KCNH2: variants seen among roughly 807,000 people sequenced by gnomAD.
The protein encoded by KCNH2 is voltage-gated inwardly rectifying potassium channel KCNH2.
KCNH2 carries 35 observed loss-of-function variants against 95.9 expected under a neutral mutation model. The observed-to-expected ratio is 0.37, with a 90% CI of 0.28 to 0.48. The LOEUF (loss-of-function observed/expected upper bound fraction) is 0.48. Among genes scored for constraint, KCNH2 ranks in the 20% least tolerant of loss-of-function variants. The pLI, the probability that KCNH2 is intolerant of heterozygous loss-of-function variation, is 0.99. For missense variants in KCNH2, 1,274 were observed against 1,702.9 expected (o/e 0.75, Z 4.43); for synonymous variants, 786 against 754.7 (o/e 1.04, Z -0.68).
chr7:150,974,590 G>A, intron 2 of KCNH2, 121 bp downstream of exon 2: 1 of 849,780 alleles, frequency 1.2e-6, no homozygotes, highest in Admixed American at 2.3e-5. Flanking sequence ...ACCCTGCCCG[G>A]GCTCGGGGCG....
chr7:150,971,521 AGCCAG>A (rs1374521795), intron 2 of KCNH2, among the ~76,000 whole-genome samples: 2 of 152,052 alleles, frequency 1.3e-5, no homozygotes, highest in African/African-American at 4.8e-5. Flanking sequence ...AGGGACATGG[AGCCAG>A]GCCAGGCCAG....
chr7:150,945,433 G>T lies in KCNH2; in HGVS notation c.3412C>A (p.Leu1138Ile). 6.4e-7 allele frequency: 1 copy of T among 1,572,852 alleles called. No individual in the cohort carries two copies. The highest frequency in any genetic ancestry group is 1.3e-5 in the African/African-American group (1 of 74,134). ...PQEGPTRRLS[L>I]PGQLGALTSQ... ...GTGAGGGCCCCCAGCTGGCCCGGTAGGGAGAGGCGTCGTGTGGGGCCTTCT... is the reference window on the plus strand; with the variant it reads ...GTGAGGGCCCCCAGCTGGCCCGGTATGGAGAGGCGTCGTGTGGGGCCTTCT... The change falls in exon 15 of 15, where the codon CTA (leucine) becomes ATA (isoleucine). Residue 1138 changes from leucine to isoleucine, a missense_variant. Transcript: ENST00000262186. This position sits in a 1 kb window ranked among gnomAD's most constrained non-coding sequence, Gnocchi z 5.6.
chr7:150,966,386 C>G lies in KCNH2; in HGVS notation c.308-6650G>C, dbSNP rs372582297. ...TTCCTCATTGATTTGCCCCCTCCCCCCCCCCCACACACACACACACACAGG... is the reference window on the plus strand; with the variant it reads ...TTCCTCATTGATTTGCCCCCTCCCCGCCCCCCACACACACACACACACAGG... On this transcript the variant is annotated intron_variant, in intron 2 of 14. Transcript: ENST00000262186. 4.1e-4 allele frequency among the ~76,000 whole-genome samples: 19 copies of G among 46,400 alleles called. 1 individual carries two copies. Among genetic ancestry groups the G allele is most frequent in the East Asian group, 2.3e-3 (1 of 442 alleles). The allele number at this position is 46,400 out of a possible 152,430, so 30.4% of individuals were successfully genotyped here.
Position 150,946,891 on chromosome 7 carries a change from C to A in KCNH2, c.3316G>T (p.Asp1106Tyr). 1 of 1,597,992 alleles carries A rather than the reference C, an allele frequency of 6.3e-7. No individual in the cohort carries two copies. The highest frequency in any genetic ancestry group is 8.6e-7 in the Non-Finnish European group (1 of 1,169,450). ...CTGGAGCTTACCTGAGAAAGCGAGTCCAAGGTGAGGGTGGGGAGGGGGCTG... is the reference window on the plus strand; with the variant it reads ...CTGGAGCTTACCTGAGAAAGCGAGTACAAGGTGAGGGTGGGGAGGGGGCTG... Reference protein sequence around the residue: ...PVSPLPTLTLDSLSQVSQFMA... With the variant: ...PVSPLPTLTLYSLSQVSQFMA... Residue 1106 changes from aspartate to tyrosine, a missense_variant, in exon 14 of 15, where the codon GAC becomes TAC. Around this residue, in one of 7 missense-constraint regions of KCNH2, gnomAD observed 457 missense variants for 416.1 expected, o/e 1.10. Coordinates refer to ENST00000262186, the MANE Select transcript of KCNH2 (RefSeq NM_000238.4). The surrounding 1 kb of genome is among the most constrained non-coding windows in gnomAD (Gnocchi z 6.5).
intron 2 of KCNH2, among the ~76,000 whole-genome samples, chr7:150,972,624 ACAGAGTTTTCTGGGTCACAGCCC>A (rs531467318): frequency 6.6e-6 from 1 of 152,350 alleles, no homozygotes; most frequent in East Asian, 1.9e-4. Context: ...GATTGCTGGC[ACAGAGTTTTCTGGGTCACAGCCC>A]CATTTTTTGG....
intron 2 of KCNH2, among the ~76,000 whole-genome samples, chr7:150,960,154 G>A (rs543583646): frequency 1.2e-4 from 15 of 123,008 alleles, no homozygotes; most frequent in African/African-American, 4.7e-4. Flanking sequence ...ACAGACTTTA[G>A]GCCTACGATC....
In KCNH2 at chr7:150,945,628, AGAG is replaced by A; in HGVS notation, c.3331-117_3331-115del. On this transcript the variant is annotated intron_variant, in intron 14 of 14. Transcript: ENST00000262186. This position sits in a 1 kb window ranked among gnomAD's most constrained non-coding sequence, Gnocchi z 5.6. ...GATGGACGGGAGGACAGGAGGGCCA[AGAG>A]GAGAGTCAGGTGGGCAGAGAAGCTG... The A allele has an allele frequency of 8.8e-7, 1 of 1,135,114 alleles. No homozygotes were observed. Among genetic ancestry groups the A allele is most frequent in the South Asian group, 1.3e-5 (1 of 75,242 alleles). The allele number at this position is 1,135,114 out of a possible 1,614,324, so 70.3% of individuals were successfully genotyped here. A position where few individuals can be genotyped will look rare whatever the true frequency, so the allele number is the denominator to read the frequency against.
intron 2 of KCNH2, among the ~76,000 whole-genome samples, chr7:150,965,908 G>C (rs1234145673): frequency 6.6e-6 from 1 of 152,180 alleles, no homozygotes; most frequent in African/African-American, 2.4e-5. Context: ...CCCTTTCACA[G>C]CAGAATTTGC....
chr7:150,946,121 C>T lies in KCNH2; in HGVS notation c.3331-607G>A, dbSNP rs998223393. On this transcript the variant is annotated intron_variant, in intron 14 of 14. Transcript: ENST00000262186. The surrounding 1 kb of genome is among the most constrained non-coding windows in gnomAD (Gnocchi z 6.5). ...GCAGGCAGCATATGGGAGGGGGGAG[C>T]GGATGCCAAGGGAAGTGGGGAGGGA... Among the ~76,000 whole-genome samples the T allele has an allele frequency of 1.3e-5, 2 of 152,004 alleles. No individual in the cohort carries two copies. Among genetic ancestry groups the T allele is most frequent in the African/African-American group, 4.8e-5 (2 of 41,368 alleles).
chr7:150,953,005 C>A, intron 5 of KCNH2, 152 bp from the exon 6 acceptor site: 1 of 728,552 alleles, frequency 1.4e-6, no homozygotes, highest in Non-Finnish European at 2.3e-6. Flanking sequence ...GCGACCACAG[C>A]AAATGGCCAC....
chr7:150,971,974 G>A (rs1755776363), intron 2 of KCNH2, among the ~76,000 whole-genome samples: 1 of 152,064 alleles, frequency 6.6e-6, no homozygotes. Context: ...GCCTTGCGGG[G>A]ATGTTACCGC....
At chr7:150,965,522 C>T (rs1342133669) in intron 2 of KCNH2, among the ~76,000 whole-genome samples, 2 of 152,160 alleles carry the variant, frequency 1.3e-5, no homozygotes, top group Non-Finnish European at 2.9e-5. Flanking sequence ...CCTGCACAGG[C>T]GCGTGAGTCC....
At position 150,948,484 on chromosome 7, in the gene KCNH2, T is replaced by C. The variant is rs1312626220; in HGVS notation, c.2652A>G (p.Gln884=). 6.9e-7 allele frequency: 1 copy of C among 1,454,332 alleles called. No homozygotes were observed. Among genetic ancestry groups the C allele is most frequent in the Non-Finnish European group, 9.2e-7 (1 of 1,082,690 alleles). 90.1% of individuals were successfully genotyped at this position (1,454,332 alleles called of 1,614,324 possible). A position where few individuals can be genotyped will look rare whatever the true frequency, so the allele number is the denominator to read the frequency against. ...STELEGGFSR[Q]RKRKLSFRRR... ...TGCGGAAGGACAACTTGCGCTTGCG[T>C]TGCCGACTGAAGCCACCCTCTAACT... Residue 884 remains glutamine (Q), a synonymous_variant, in exon 11 of 15, where the codon CAA becomes CAG. Coordinates refer to ENST00000262186, the MANE Select transcript of KCNH2 (RefSeq NM_000238.4).
In KCNH2 at chr7:150,951,062, C is replaced by T. The variant is rs1377228536; in HGVS notation, c.2004G>A (p.Ser668=). ...TCTGTGTGTGGTAGCGGGCTGTGCC[C>T]GAGTACAGCCGCTGGATGATGGCCG... ...NVSAIIQRLY[S]GTARYHTQML... The change falls in exon 8 of 15, where the codon TCG becomes TCA. Residue 668 remains serine, a synonymous_variant. Transcript: ENST00000262186. 5 of 1,613,872 alleles carry T rather than the reference C, an allele frequency of 3.1e-6. No individual in the cohort carries two copies. Among genetic ancestry groups the T allele is most frequent in the Non-Finnish European group, 4.2e-6 (5 of 1,179,892 alleles).
chr7:150,959,286 T>C (rs1164389894), intron 3 of KCNH2, among the ~76,000 whole-genome samples: 1 of 152,156 alleles, frequency 6.6e-6, no homozygotes, highest in African/African-American at 2.4e-5. Flanking sequence ...TCCCAGGGGA[T>C]GCTGGGATGG....
At chr7:150,958,585 G>A (rs1205101633) in intron 3 of KCNH2, 83 bp from the exon 4 acceptor site, 10 of 1,197,088 alleles carry the variant, frequency 8.4e-6, no homozygotes, top group African/African-American at 3.2e-5. Context: ...ACCCCCAGCC[G>A]CTGGGTAAGG....
chr7:150,960,390 T>C (rs1229451516), intron 2 of KCNH2, among the ~76,000 whole-genome samples: 4 of 152,250 alleles, frequency 2.6e-5, no homozygotes, highest in Admixed American at 6.5e-5. Context: ...TCATGAGTTA[T>C]AAAGATTAAC....
chr7:150,948,471 ACTTGCG>A lies in KCNH2; in HGVS notation c.2659_2664del (p.Arg887_Lys888del). ...TTGTCCGTGCGCCTGCGGAAGGACA[ACTTGCG>A]CTTGCGTTGCCGACTGAAGCCACCC... On this transcript the variant is annotated inframe_deletion, in exon 11 of 15. Coordinates refer to ENST00000262186, the MANE Select transcript of KCNH2 (RefSeq NM_000238.4). The A allele has an allele frequency of 6.2e-7, 1 of 1,611,142 alleles. No homozygotes were observed. The highest frequency in any genetic ancestry group is 2.2e-5 in the East Asian group (1 of 44,842).
Position 150,945,257 on chromosome 7 carries a change from T to C in KCNH2, c.*108A>G. On this transcript the variant is annotated 3_prime_UTR_variant, in exon 15 of 15. Coordinates refer to ENST00000262186, the MANE Select transcript of KCNH2 (RefSeq NM_000238.4). The surrounding 1 kb of genome is among the most constrained non-coding windows in gnomAD (Gnocchi z 5.6). ...TGGGGGAGGAGCTGTGCTTTCGAGT[T>C]CCTCTCCCCTTCCACGGTCAGGGCC... is the stretch of plus-strand genomic sequence containing the variant. 1 of 1,251,694 alleles carries C rather than the reference T, an allele frequency of 8.0e-7. No homozygotes were observed. Among genetic ancestry groups the C allele is most frequent in the Non-Finnish European group, 1.1e-6 (1 of 913,242 alleles). 77.5% of individuals were successfully genotyped at this position (1,251,694 alleles called of 1,614,324 possible).
Sources: allele counts gnomAD v4.1 joint callset (sites outside exome capture counted in the v4.1 genomes callset), GRCh38; gene constraint gnomAD v4.1.1; regional missense constraint gnomAD v4.1.1; non-coding constraint Gnocchi (gnomAD v3.1); transcripts MANE v1.5; gene names NCBI Gene and HGNC (gene_info 2026-07-23, HGNC 2026-07-21).